Variants in POLG observed in about 807,000 individuals in gnomAD.
POLG encodes the protein DNA polymerase gamma, catalytic subunit.
POLG carries 110 observed loss-of-function variants against 155.4 expected under a neutral mutation model. The observed-to-expected ratio is 0.71, with a 90% CI of 0.61 to 0.83. The LOEUF (loss-of-function observed/expected upper bound fraction) is 0.83. POLG is among the 40% of genes least tolerant of loss of function. The probability of loss-of-function intolerance (pLI) is 0.00; values close to 1 mark genes in which losing one functional copy is unlikely to be tolerated. For synonymous variants in POLG, 701 were observed against 631.5 expected (o/e 1.11, Z -1.65); for missense variants, 1,685 against 1,627.5 (o/e 1.04, Z -0.61).
chr15:89,319,091 C>CG lies in POLG; in HGVS notation c.3112_3113insC (p.Trp1038SerfsTer9). Reference sequence around the variant, plus strand: ...TTCAGCAACCACCTCCCACTTCTTCCACTGTGACCTAAGGGACCAGAAACA... The same window carrying CG: ...TTCAGCAACCACCTCCCACTTCTTCCGACTGTGACCTAAGGGACCAGAAACA... On this transcript the variant is annotated frameshift_variant, in exon 20 of 23. Coordinates refer to ENST00000268124, the MANE Select transcript of POLG (RefSeq NM_002693.3). LOFTEE classifies it high-confidence loss of function. 1 of 1,614,160 alleles carries CG rather than the reference C, an allele frequency of 6.2e-7. No individual in the cohort carries two copies. The highest frequency in any genetic ancestry group is 8.5e-7 in the Non-Finnish European group (1 of 1,180,014).
Position 89,316,653 on chromosome 15 carries a change from A to T in POLG, c.*98T>A. 1 of 1,211,386 alleles carries T rather than the reference A, an allele frequency of 8.3e-7. No homozygotes were observed. The allele number at this position is 1,211,386 out of a possible 1,614,324, so 75.0% of individuals were successfully genotyped here. On this transcript the variant is annotated 3_prime_UTR_variant, in exon 23 of 23. Coordinates refer to ENST00000268124, the MANE Select transcript of POLG (RefSeq NM_002693.3). Reference sequence around the variant, plus strand: ...ACTGAAAAATGGCTGGCCTTAGGCAAGCCCTTTTGCAAAAAGCACAGCTGA... The same window carrying T: ...ACTGAAAAATGGCTGGCCTTAGGCATGCCCTTTTGCAAAAAGCACAGCTGA...
In POLG at chr15:89,317,477, C is replaced by T. The variant is rs149921636; in HGVS notation, c.3542G>A (p.Ser1181Asn). The T allele has an allele frequency of 1.3e-5, 21 of 1,614,150 alleles. No homozygotes were observed. The highest frequency in any genetic ancestry group is 3.3e-5 in the South Asian group (3 of 91,074). The change falls in exon 22 of 23, where the codon AGT (serine) becomes AAT (asparagine). Residue 1181 changes from serine to asparagine, a missense_variant. Coordinates refer to ENST00000268124, the MANE Select transcript of POLG (RefSeq NM_002693.3). Reference protein sequence around the residue: ...NDLPQSVAFFSAVDIDRCLRK... With the variant: ...NDLPQSVAFFNAVDIDRCLRK... ...GAGGCACCGGTCAATATCGACTGCA[C>T]TGAAAAAGGCGACTGACTGGGGCAA...
Position 89,326,902 on chromosome 15 carries a change from T to C in POLG, c.1585+10A>G, listed in dbSNP as rs2055528598. ...CCTACCCTACCCTACCTCCCACCCATGCTCCCCACCTTCCTGATCCATGGG... is the reference window on the plus strand; with the variant it reads ...CCTACCCTACCCTACCTCCCACCCACGCTCCCCACCTTCCTGATCCATGGG... On this transcript the variant is annotated intron_variant, in intron 8 of 22. Transcript: ENST00000268124. 4 of 1,613,784 alleles carry C rather than the reference T, an allele frequency of 2.5e-6. No individual in the cohort carries two copies. The highest frequency in any genetic ancestry group is 3.4e-6 in the Non-Finnish European group (4 of 1,179,900).
In POLG at chr15:89,319,360, G is replaced by A. The variant is rs2152059869; in HGVS notation, c.2982-10C>T. 1 of 1,613,548 alleles carries A rather than the reference G, an allele frequency of 6.2e-7. No individual in the cohort carries two copies. Among genetic ancestry groups the A allele is most frequent in the Non-Finnish European group, 8.5e-7 (1 of 1,180,024 alleles). On this transcript the variant is annotated splice_polypyrimidine_tract_variant and intron_variant, in intron 18 of 22. Coordinates refer to ENST00000268124, the MANE Select transcript of POLG (RefSeq NM_002693.3). ...ATCCGACAGCCGATACCTGGGGGCAGTGTTATCACCATCATTCCACGGGAG... is the reference window on the plus strand; with the variant it reads ...ATCCGACAGCCGATACCTGGGGGCAATGTTATCACCATCATTCCACGGGAG...
At chr15:89,323,035 TCACGCACGCGCGCACG>T in intron 13 of POLG, 133 bp from the exon 14 acceptor site, 2 of 900,706 alleles carry the variant, frequency 2.2e-6, no homozygotes, top group East Asian at 2.4e-5. Flanking sequence ...CCTGATTGTA[TCACGCACGCGCGCACG>T]CGCGCACGCA....
At chr15:89,322,710 G>A in intron 14 of POLG, 32 bp downstream of exon 14, 3 of 1,607,672 alleles carry the variant, frequency 1.9e-6, no homozygotes, top group South Asian at 1.1e-5. Context: ...AGAGGGGAAA[G>A]GCATCCCAGG....
At chr15:89,319,541 G>C (rs2055363866) in intron 18 of POLG, 191 bp from the exon 19 acceptor site, 1 of 742,462 alleles carries the variant, frequency 1.3e-6, no homozygotes, top group Non-Finnish European at 2.2e-6. Flanking sequence ...CATGGAGCTA[G>C]AAAGAGATGC....
chr15:89,328,800 C>T lies in POLG; in HGVS notation c.1055G>A (p.Ser352Asn). The T allele has an allele frequency of 6.2e-7, 1 of 1,614,166 alleles. No homozygotes were observed. The highest frequency in any genetic ancestry group is 8.5e-7 in the Non-Finnish European group (1 of 1,180,054). Residue 352 changes from serine (S) to asparagine (N), a missense_variant, in exon 5 of 23, where the codon AGT becomes AAT. Ser to Asn is a conservative substitution (Grantham distance 46, BLOSUM62 1). Transcript: ENST00000268124. ...GTGCACCTCTGCCAGACTGTTGACA[C>T]TGCTGATGTCCAGCCAGTCCCAGGA... ...ISSWDWLDIS[S>N]VNSLAEVHRL...
chr15:89,332,353 G>C (rs1275629677), intron 2 of POLG: 2 of 152,094 alleles, frequency 1.3e-5, no homozygotes, highest in Non-Finnish European at 2.9e-5. Flanking sequence ...AAAGCATTAA[G>C]GTTGTAAATA....
intron 21 of POLG, 83 bp from the exon 22 acceptor site, chr15:89,317,619 CT>C: frequency 7.3e-7 from 1 of 1,370,758 alleles, no homozygotes; most frequent in Non-Finnish European, 1.0e-6. Flanking sequence ...CCCCACACCC[CT>C]TAGAGCAGGG....
At position 89,324,067 on chromosome 15, in the gene POLG, C is replaced by G. The variant is rs2055436918; in HGVS notation, c.2070+40G>C. ...CCCTTCCCTGGGTGGAATACAGAGACCTCCCCTCCCCAAAGCTCAGGTTCA... is the reference window on the plus strand; with the variant it reads ...CCCTTCCCTGGGTGGAATACAGAGAGCTCCCCTCCCCAAAGCTCAGGTTCA... On this transcript the variant is annotated intron_variant, in intron 11 of 22. Transcript: ENST00000268124. 3 of 1,613,462 alleles carry G rather than the reference C, an allele frequency of 1.9e-6. No homozygotes were observed. In the Admixed American group the frequency reaches 5.0e-5, roughly 27 times the overall value.
chr15:89,330,940 T>A (rs2055586373), intron 2 of POLG, among the ~76,000 whole-genome samples: 1 of 152,072 alleles, frequency 6.6e-6, no homozygotes, highest in Non-Finnish European at 1.5e-5. Context: ...TGCTGCCTGT[T>A]GGGGGCCCGA....
At chr15:89,317,921 T>A in intron 21 of POLG, 1 of 335,192 alleles carries the variant, frequency 3.0e-6, no homozygotes, top group Non-Finnish European at 5.8e-6. Context: ...TTGAATATTG[T>A]AAACATCTGT....
intron 2 of POLG, among the ~76,000 whole-genome samples, chr15:89,332,613 C>T (rs867216211): frequency 3.3e-5 from 2 of 60,434 alleles, no homozygotes; most frequent in Admixed American, 3.4e-4. Context: ...GGCAGGGGGG[C>T]GGGGGGGTGT....
intron 21 of POLG, 164 bp from the exon 22 acceptor site, chr15:89,317,700 T>A (rs3176231): frequency 1.6e-5 from 11 of 704,210 alleles, no homozygotes; most frequent in Non-Finnish European, 2.3e-5. Flanking sequence ...AGCACTGTTT[T>A]CCATCCAGCA....
chr15:89,328,428 AG>A (rs761950623), intron 6 of POLG, 27 bp downstream of exon 6: 6 of 1,580,114 alleles, frequency 3.8e-6, no homozygotes, highest in Non-Finnish European at 5.2e-6. Context: ...ACTGACCCCC[AG>A]AGATTCCCAC....
chr15:89,327,143 C>G, intron 7 of POLG, 24 bp downstream of exon 7: 2 of 1,614,250 alleles, frequency 1.2e-6, no homozygotes, highest in Non-Finnish European at 1.7e-6. Context: ...CTGCCTAGAT[C>G]CTGCCCACCC....
rs886051524 is a variant in POLG, at chr15:89,325,512, G to A, written c.1887C>T (p.Asp629=). The change falls in exon 10 of 23, where the codon GAC becomes GAT. Residue 629 remains aspartate, a synonymous_variant. Coordinates refer to ENST00000268124, the MANE Select transcript of POLG (RefSeq NM_002693.3). ...TACCTGTCGGCAGCTTGGCCAGGTT[G>A]TCCCGCCGCCCAGGCACCAAGTAGC... ...GWGYLVPGRR[D]NLAKLPTGTT... 12 of 1,611,104 alleles carry A rather than the reference G, an allele frequency of 7.4e-6. No homozygotes were observed. The highest frequency in any genetic ancestry group is 9.3e-6 in the Non-Finnish European group (11 of 1,180,004).
intron 10 of POLG, 149 bp downstream of exon 10, chr15:89,325,301 T>TGTGTGTGG: frequency 1.7e-6 from 1 of 604,122 alleles, no homozygotes; most frequent in Non-Finnish European, 3.0e-6. Context: ...AGAGAGAGGG[T>TGTGTGTGG]GTGTGTGTGT....
Sources: allele counts gnomAD v4.1 joint callset (sites outside exome capture counted in the v4.1 genomes callset), GRCh38; gene constraint gnomAD v4.1.1; transcripts MANE v1.5; gene names NCBI Gene and HGNC (gene_info 2026-07-23, HGNC 2026-07-21).